The following EPSTI1 variants were observed in gnomAD, a reference collection of about 807,000 sequenced individuals.
The protein encoded by EPSTI1 is epithelial-stromal interaction protein 1.
A neutral mutation model predicts 49.9 loss-of-function variants in EPSTI1; 66 were observed. That is an observed-to-expected ratio of 1.32 (90% CI 1.08 to 1.62). The LOEUF is 1.62. Ranked by LOEUF, EPSTI1 falls within the 40% of genes most tolerant of loss-of-function variation. EPSTI1 has a pLI of 0.00. For synonymous variants in EPSTI1, 137 were observed against 130.7 expected (o/e 1.05, Z -0.33); for missense variants, 394 against 365.5 (o/e 1.08, Z -0.64).
chr13:42,922,413 A>AG lies in EPSTI1; in HGVS notation c.657+3922dup, dbSNP rs896552710. Among the ~76,000 whole-genome samples, 1 of 152,150 alleles carries AG rather than the reference A, an allele frequency of 6.6e-6. No individual in the cohort carries two copies. Among genetic ancestry groups the AG allele is most frequent in the African/African-American group, 2.4e-5 (1 of 41,436 alleles). ...TAAGAGGAAGGCAGAAAGGTCAGGG[A>AG]GGGTGCAGAAGGTTGGGTGAGATGG... On this transcript the variant is annotated intron_variant, in intron 7 of 10. Coordinates refer to ENST00000313624, the MANE Select transcript of EPSTI1 (RefSeq NM_033255.5). This position sits in a 1 kb window ranked among gnomAD's most constrained non-coding sequence, Gnocchi z 4.8.
In EPSTI1 at chr13:42,955,886, G is replaced by C. The variant is rs575739305; in HGVS notation, c.490-1865C>G. Among the ~76,000 whole-genome samples the C allele has an allele frequency of 1.1e-4, 16 of 141,698 alleles. No homozygotes were observed. In the South Asian group the frequency reaches 3.8e-3, roughly 33 times the overall value. The allele number at this position is 141,698 out of a possible 152,430, so 93.0% of individuals were successfully genotyped here. A position where few individuals can be genotyped will look rare whatever the true frequency, so the allele number is the denominator to read the frequency against. ...TTGATGAAGAAGTATTTGGGGGGGG[G>C]GGGAAGTAGTAGTAGTAGTATTTCT... is the stretch of plus-strand genomic sequence containing the variant. On this transcript the variant is annotated intron_variant, in intron 5 of 10. Transcript: ENST00000313624.
At chr13:42,961,822 G>A (rs553788338) in intron 5 of EPSTI1, among the ~76,000 whole-genome samples, 1 of 152,312 alleles carries the variant, frequency 6.6e-6, no homozygotes, top group South Asian at 2.1e-4. Context: ...TAGGCTGCTT[G>A]GATTCTACTT....
chr13:42,959,610 G>A (rs1035509997), intron 5 of EPSTI1, among the ~76,000 whole-genome samples: 2 of 152,112 alleles, frequency 1.3e-5, no homozygotes, highest in African/African-American at 4.8e-5. Context: ...CTACTTCACC[G>A]TATAGCATTA....
At chr13:42,964,959 A>C (rs1342292023) in intron 3 of EPSTI1, among the ~76,000 whole-genome samples, 1 of 152,232 alleles carries the variant, frequency 6.6e-6, no homozygotes, top group Non-Finnish European at 1.5e-5. Context: ...CTCTCACAGA[A>C]GATGCATTAA....
rs548923312 is a variant in EPSTI1, at chr13:42,978,395, A to C, written c.189-7725T>G. Among the ~76,000 whole-genome samples the C allele has an allele frequency of 2.6e-5, 4 of 152,306 alleles. No individual in the cohort carries two copies. In the South Asian group the frequency reaches 8.3e-4, roughly 32 times the overall value. On this transcript the variant is annotated intron_variant, in intron 1 of 10. Transcript: ENST00000313624. ...GGGAGGGGGCTTCCAGGTCATAATA[A>C]ATAAGAGACAAACAGTTGCATTCTT...
In EPSTI1 at chr13:42,895,622, T is replaced by C. The variant is rs545692949; in HGVS notation, c.816-514A>G. The stretch of plus-strand genomic sequence containing the variant: ...GGAAGGTGAGCTTATATTATTCTAT[T>C]TCTGGAGCTTGCTACCTGGTTGTTC... On this transcript the variant is annotated intron_variant, in intron 9 of 10. Transcript: ENST00000313624. Among the ~76,000 whole-genome samples, 5 of 152,366 alleles carry C rather than the reference T, an allele frequency of 3.3e-5. No homozygotes were observed. The South Asian group carries it at 1.0e-3, about 32-fold the overall frequency.
intron 6 of EPSTI1, among the ~76,000 whole-genome samples, chr13:42,940,112 T>G (rs1462881264): frequency 6.6e-6 from 1 of 152,256 alleles, no homozygotes; most frequent in Non-Finnish European, 1.5e-5. Flanking sequence ...ATGGCCTGTG[T>G]GGTCCACTTG....
At chr13:42,963,572 CTCTG>C in intron 4 of EPSTI1, 1 of 538,404 alleles carries the variant, frequency 1.9e-6, no homozygotes, top group Non-Finnish European at 3.3e-6. Flanking sequence ...TTTTCAACGT[CTCTG>C]TCTTTGTCTA....
At chr13:42,925,130 A>G (rs984601582) in intron 7 of EPSTI1, among the ~76,000 whole-genome samples, 1 of 152,088 alleles carries the variant, frequency 6.6e-6, no homozygotes, top group Admixed American at 6.5e-5. Flanking sequence ...TCTCTTCTCC[A>G]TCCTCTCCCC....
chr13:42,977,579 AT>A lies in EPSTI1; in HGVS notation c.189-6910del, dbSNP rs142310020. Among the ~76,000 whole-genome samples the A allele has an allele frequency of 2.0e-3, 300 of 152,336 alleles. 1 individual carries two copies. The highest frequency in any genetic ancestry group is 7.1e-3 in the African/African-American group (296 of 41,586). On this transcript the variant is annotated intron_variant, in intron 1 of 10. Transcript: ENST00000313624. ...GGTGCTCAAGCAACCATCTTAGTCAATGAGGCAACCTGAATATGGAAGACAT... is the reference window on the plus strand; with the variant it reads ...GGTGCTCAAGCAACCATCTTAGTCAAGAGGCAACCTGAATATGGAAGACAT...
chr13:42,983,456 C>T (rs1423583008), intron 1 of EPSTI1, among the ~76,000 whole-genome samples: 1 of 151,122 alleles, frequency 6.6e-6, no homozygotes, highest in African/African-American at 2.4e-5. Flanking sequence ...CCCAGCTACT[C>T]GAGAGGCTGA....
intron 4 of EPSTI1, 112 bp downstream of exon 4, chr13:42,963,954 G>A: frequency 1.1e-6 from 1 of 893,724 alleles, no homozygotes; most frequent in Non-Finnish European, 1.6e-6. Flanking sequence ...TTTTGCAACT[G>A]GTTGGAAGGT....
rs559173317 is a variant in EPSTI1, at chr13:42,889,092, T to C, written c.916-590A>G. The C allele has an allele frequency of 7.0e-5, 57 of 815,844 alleles. No homozygotes were observed. In the African/African-American group the frequency reaches 7.5e-4, roughly 11 times the overall value. 50.5% of individuals were successfully genotyped at this position (815,844 alleles called of 1,614,324 possible). A position where few individuals can be genotyped will look rare whatever the true frequency, so the allele number is the denominator to read the frequency against. On this transcript the variant is annotated intron_variant, in intron 10 of 10. Transcript: ENST00000313624. ...AAATCTCAGGTTGCCTCATTGGTCA[T>C]AGGAAATGCTTAACTGCCCCTGAAG...
chr13:42,944,993 C>T (rs2038876051), intron 6 of EPSTI1, among the ~76,000 whole-genome samples: 1 of 152,154 alleles, frequency 6.6e-6, no homozygotes, highest in Non-Finnish European at 1.5e-5. Flanking sequence ...ATAGACCTAC[C>T]CCTGCTTCCT....
chr13:42,957,962 G>C (rs1422951591), intron 5 of EPSTI1, among the ~76,000 whole-genome samples: 1 of 152,182 alleles, frequency 6.6e-6, no homozygotes, highest in Non-Finnish European at 1.5e-5. Flanking sequence ...TTAAGAGCTG[G>C]GGTTTCACCA....
chr13:42,959,172 C>A (rs1382241975), intron 5 of EPSTI1, among the ~76,000 whole-genome samples: 1 of 151,994 alleles, frequency 6.6e-6, no homozygotes, highest in Non-Finnish European at 1.5e-5. Flanking sequence ...ACCCATTTTA[C>A]AAATAAGGTA....
chr13:42,890,729 CT>C (rs577993925), intron 10 of EPSTI1, among the ~76,000 whole-genome samples: 8 of 152,102 alleles, frequency 5.3e-5, no homozygotes, highest in South Asian at 4.2e-4. Flanking sequence ...AGTGCCAAGC[CT>C]TTTTTTCTTC....
intron 2 of EPSTI1, chr13:42,969,389 C>A: frequency 1.9e-6 from 1 of 516,576 alleles, no homozygotes; most frequent in Non-Finnish European, 3.4e-6. Flanking sequence ...CAAGAGTCAG[C>A]ACAGAGGGTT....
At chr13:42,929,443 C>A (rs975599711) in intron 6 of EPSTI1, among the ~76,000 whole-genome samples, 6 of 152,196 alleles carry the variant, frequency 3.9e-5, no homozygotes, top group Non-Finnish European at 5.9e-5. Context: ...CCTCCGTAGA[C>A]CCTCCCCAAA....
Sources: gnomAD v4.1 joint callset for allele counts (sites outside exome capture counted in the v4.1 genomes callset) on GRCh38, gnomAD v4.1.1 for gene constraint, Gnocchi (gnomAD v3.1) non-coding constraint, MANE v1.5 for transcripts, NCBI Gene and HGNC (gene_info 2026-07-23, HGNC 2026-07-21) for gene names.